Variants in PDE11A observed in about 807,000 individuals in gnomAD.
PDE11A encodes dual 3',5'-cyclic-AMP and -GMP phosphodiesterase 11A.
PDE11A carries 100 observed loss-of-function variants against 100.5 expected under a neutral mutation model. The observed-to-expected ratio is 1.00, with a 90% CI of 0.85 to 1.18. The LOEUF (loss-of-function observed/expected upper bound fraction) is 1.18. PDE11A is among the 50% of genes most tolerant of loss of function. The pLI is 0.00. For synonymous variants in PDE11A, 381 were observed against 420.8 expected, an observed-to-expected ratio of 0.91 and a Z score of 1.16; for missense variants, 1,141 against 1,152.6, an observed-to-expected ratio of 0.99 and a Z score of 0.15.
At chr2:177,805,978 A>G (rs1006884500) in intron 9 of PDE11A, among the ~76,000 whole-genome samples, 11 of 152,334 alleles carry the variant, frequency 7.2e-5, no homozygotes, top group Middle Eastern at 3.4e-3. Flanking sequence ...GACTGCTTCC[A>G]TATCTGGGAC....
chr2:177,866,360 A>T (rs144945642), intron 5 of PDE11A, among the ~76,000 whole-genome samples: 21 of 152,300 alleles, frequency 1.4e-4, no homozygotes, highest in Middle Eastern at 6.8e-3. Context: ...GGGACTTCCC[A>T]TTGGCCAGGC....
At chr2:177,967,953 T>A (rs1462106495) in intron 2 of PDE11A, among the ~76,000 whole-genome samples, 1 of 152,210 alleles carries the variant, frequency 6.6e-6, no homozygotes, top group Non-Finnish European at 1.5e-5. Flanking sequence ...ACCTATTTCA[T>A]GAATGCAGAA....
rs529629195 is a variant in PDE11A at position 177,704,912 on chromosome 2, C to T, written c.2154-3701G>A. ...CTGGAGTGCAATGGCGCGATGTTGG[C>T]TTACTGCAACCTCCACCTCCTGGGT... On this transcript the variant is annotated intron_variant, in intron 13 of 19. Coordinates refer to ENST00000286063, the MANE Select transcript of PDE11A (RefSeq NM_016953.4). 7.2e-5 allele frequency among the ~76,000 whole-genome samples: 11 copies of T among 152,254 alleles called. No homozygotes were observed. In the East Asian group the frequency reaches 1.7e-3, roughly 24 times the overall value.
At chr2:178,077,123 C>G (rs10209616), upstream of PDE11A, among the ~76,000 whole-genome samples, 2 of 152,114 alleles carry the variant, frequency 1.3e-5, no homozygotes, top group African/African-American at 4.8e-5. Flanking sequence ...AATTATATAG[C>G]CAAGCACATC....
At chr2:177,998,244 A>G in intron 2 of PDE11A, 2 of 832,284 alleles carry the variant, frequency 2.4e-6, no homozygotes, top group Non-Finnish European at 4.3e-6. Flanking sequence ...GGATTCAGTT[A>G]GTATAAGCTC....
At chr2:177,683,365 G>T (rs1013548689) in intron 15 of PDE11A, 1 of 152,378 alleles carries the variant, frequency 6.6e-6, no homozygotes, top group African/African-American at 2.4e-5. Context: ...GGGTGGGCAG[G>T]TGTATACAGT....
At chr2:177,996,944 G>T (rs2086082986) in intron 2 of PDE11A, among the ~76,000 whole-genome samples, 1 of 152,156 alleles carries the variant, frequency 6.6e-6, no homozygotes, top group African/African-American at 2.4e-5. Flanking sequence ...ACAATTTGAA[G>T]TCTGAATAAT....
At chr2:177,970,925 T>C (rs1342055226) in intron 2 of PDE11A, among the ~76,000 whole-genome samples, 2 of 152,128 alleles carry the variant, frequency 1.3e-5, no homozygotes, top group African/African-American at 2.4e-5. Flanking sequence ...ATCAACTGCT[T>C]CAGAGAGATT....
chr2:177,927,220 G>C (rs972462719), intron 2 of PDE11A, among the ~76,000 whole-genome samples: 1 of 152,170 alleles, frequency 6.6e-6, no homozygotes, highest in Non-Finnish European at 1.5e-5. Context: ...TGCCATGACA[G>C]CTAGTCAAAC....
chr2:178,090,851 A>C (rs1358414300), intron 2 of PDE11A, among the ~76,000 whole-genome samples: 1 of 152,144 alleles, frequency 6.6e-6, no homozygotes, highest in Non-Finnish European at 1.5e-5. Flanking sequence ...CTTTTTCTGA[A>C]GCCCTCCCTG....
intron 9 of PDE11A, among the ~76,000 whole-genome samples, chr2:177,771,873 G>T (rs557271695): frequency 8.4e-4 from 128 of 152,076 alleles, no homozygotes; most frequent in African/African-American, 2.9e-3. Context: ...ATGATGATGG[G>T]TGCCTGTAAT....
At chr2:177,663,080 GT>G (rs1559132224) in intron 19 of PDE11A, among the ~76,000 whole-genome samples, 1 of 152,214 alleles carries the variant, frequency 6.6e-6, no homozygotes, top group Non-Finnish European at 1.5e-5. Flanking sequence ...AACTTGCCAG[GT>G]TTTTACAAAT....
chr2:177,963,681 ATAT>A (rs1055770682), intron 2 of PDE11A, among the ~76,000 whole-genome samples: 29 of 97,398 alleles, frequency 3.0e-4, no homozygotes, highest in African/African-American at 2.4e-3. Context: ...GTCTGCAGAA[ATAT>A]GATATCTGAA....
intron 1 of PDE11A, among the ~76,000 whole-genome samples, chr2:178,046,756 G>A (rs1477188555): frequency 6.6e-6 from 1 of 152,090 alleles, no homozygotes; most frequent in Admixed American, 6.6e-5. Flanking sequence ...ACTATCCTGG[G>A]TCCAATTATT....
Position 178,090,883 on chromosome 2 carries a change from C to T in PDE11A, c.162+13419G>A, listed in dbSNP as rs115299768. On this transcript the variant is annotated intron_variant, in intron 2 of 20. Transcript: ENST00000358450. The stretch of plus-strand genomic sequence containing the variant: ...CCTGGGCCCCCACAGGCACTCTTTC[C>T]TACACAATACTGGCACTGGGCTCCA... 4.6e-3 allele frequency among the ~76,000 whole-genome samples: 695 copies of T among 152,244 alleles called. 4 individuals carry two copies. The highest frequency in any genetic ancestry group is 0.016 in the African/African-American group (673 of 41,530).
rs753913877 is a variant in PDE11A, at chr2:178,071,940, G to T, written c.498C>A (p.Pro166=). 6 of 1,613,896 alleles carry T rather than the reference G, an allele frequency of 3.7e-6. No individual in the cohort carries two copies. Among genetic ancestry groups the T allele is most frequent in the Admixed American group, 1.7e-5 (1 of 60,022 alleles). ...GCGCACTGAGAATATGGGCTGTGGTGGGGGGCAGGGAGCTTGCCTTCCGGA... is the reference window on the plus strand; with the variant it reads ...GCGCACTGAGAATATGGGCTGTGGTTGGGGGCAGGGAGCTTGCCTTCCGGA... ...ALLRKASSLP[P]TTAHILSALL... The change falls in exon 1 of 20, where the codon CCC becomes CCA. Residue 166 remains proline (P), a synonymous_variant. Coordinates refer to ENST00000286063, the MANE Select transcript of PDE11A (RefSeq NM_016953.4).
intron 1 of PDE11A, among the ~76,000 whole-genome samples, chr2:178,021,889 T>C (rs1019945260): frequency 2.6e-5 from 4 of 152,104 alleles, no homozygotes; most frequent in African/African-American, 9.7e-5. Context: ...ATTTGAGGAA[T>C]AGAAAGAAGT....
chr2:177,857,565 G>T (rs959524276), intron 5 of PDE11A, among the ~76,000 whole-genome samples: 1 of 151,994 alleles, frequency 6.6e-6, no homozygotes, highest in African/African-American at 2.4e-5. Flanking sequence ...AAGCTATATG[G>T]AGCAAAGTTT....
intron 4 of PDE11A, among the ~76,000 whole-genome samples, chr2:177,883,531 C>T (rs780583829): frequency 5.3e-5 from 8 of 152,096 alleles, no homozygotes; most frequent in Non-Finnish European, 8.8e-5. Flanking sequence ...AAAATGCTAC[C>T]AGTGCACAGA....
Sources: gnomAD v4.1 joint callset for allele counts (sites outside exome capture counted in the v4.1 genomes callset) on GRCh38, gnomAD v4.1.1 for gene constraint, MANE v1.5 for transcripts, NCBI Gene and HGNC (gene_info 2026-07-23, HGNC 2026-07-21) for gene names.